RPL26: variants seen among roughly 807,000 people sequenced by gnomAD.
RPL26 encodes ribosomal protein L26, also known as large ribosomal subunit protein uL24.
In RPL26, 1 loss-of-function variant was observed where a neutral mutation model predicts 16.2. That is an observed-to-expected ratio of 0.06 (90% CI 0.02 to 0.29). The LOEUF is 0.29. Among genes scored for constraint, RPL26 ranks in the 10% least tolerant of loss-of-function variants. The probability of loss-of-function intolerance (pLI) is 1.00; values close to 1 mark genes in which losing one functional copy is unlikely to be tolerated. For synonymous variants in RPL26, 55 were observed against 62.4 expected (o/e 0.88, Z 0.56); for missense variants, 102 against 184.3 (o/e 0.55, Z 2.58).
rs1187393979 is a variant in RPL26 at position 8,379,773 on chromosome 17, C to G, written c.309+23G>C. 1.9e-6 allele frequency: 3 copies of G among 1,608,220 alleles called. No homozygotes were observed. In the African/African-American group the frequency reaches 4.0e-5, roughly 22 times the overall value. ...AATAATTGCCATAATTTCCTTCTCT[C>G]AAGCATTCTCAAAAACACCTACCTT... On this transcript the variant is annotated intron_variant, in intron 3 of 3. Transcript: ENST00000648839.
At chr17:8,380,391 C>T (rs575261400) in intron 2 of RPL26, among the ~76,000 whole-genome samples, 46 of 152,288 alleles carry the variant, frequency 3.0e-4, no homozygotes, top group Non-Finnish European at 5.4e-4. Flanking sequence ...CAGGGACCAA[C>T]GGCTGTTCTC....
At chr17:8,380,978 C>A (rs1409744566) in intron 2 of RPL26, 3 of 152,184 alleles carry the variant, frequency 2.0e-5, no homozygotes, top group Non-Finnish European at 2.9e-5. Context: ...CAGCTAGAGG[C>A]TTCCCCAATT....
intron 2 of RPL26, 146 bp downstream of exon 2, chr17:8,381,997 C>T: frequency 1.6e-6 from 1 of 620,382 alleles, no homozygotes; most frequent in South Asian, 1.8e-5. Flanking sequence ...AGCTTACTTA[C>T]TGTTTTTTGG....
chr17:8,382,516 T>C (rs893599680), intron 1 of RPL26: 8 of 533,372 alleles, frequency 1.5e-5, no homozygotes, highest in African/African-American at 7.7e-5. Context: ...TTCGGGTGTT[T>C]TCTGTATATG....
At chr17:8,379,070 G>A (rs752064973) in intron 3 of RPL26, 15 of 152,192 alleles carry the variant, frequency 9.9e-5, no homozygotes, top group Non-Finnish European at 2.1e-4. Flanking sequence ...TTTTGCCTCA[G>A]TAGGCCTGGG....
rs190800743 is a variant in RPL26 at position 8,381,860 on chromosome 17, C to T, written c.168+283G>A. The T allele has an allele frequency of 3.0e-3, 793 of 267,398 alleles. 4 individuals carry two copies. Among genetic ancestry groups the T allele is most frequent in the African/African-American group, 0.014 (591 of 41,272 alleles). The allele number at this position is 267,398 out of a possible 1,614,324, so 16.6% of individuals were successfully genotyped here. On this transcript the variant is annotated intron_variant, in intron 2 of 3. Coordinates refer to ENST00000648839, the MANE Select transcript of RPL26 (RefSeq NM_000987.5). Reference sequence around the variant, plus strand: ...AGGAGAATCGCCTGAACCCGGGAGGCGAAGGTTGCAGTGAGCTGAGATGGC... The same window carrying T: ...AGGAGAATCGCCTGAACCCGGGAGGTGAAGGTTGCAGTGAGCTGAGATGGC...
intron 3 of RPL26, 93 bp from the exon 4 acceptor site, chr17:8,377,785 G>A (rs1414759947): frequency 8.5e-7 from 1 of 1,182,264 alleles, no homozygotes; most frequent in Non-Finnish European, 1.2e-6. Context: ...TCCCAAACCT[G>A]GGGTAGGTGG....
At chr17:8,377,911 T>C (rs554763893) in intron 3 of RPL26, among the ~76,000 whole-genome samples, 1 of 152,374 alleles carries the variant, frequency 6.6e-6, no homozygotes, top group African/African-American at 2.4e-5. Flanking sequence ...CAAGATGGTA[T>C]CAGTAATTCT....
rs1488763889 is a variant in RPL26 at position 8,377,527 on chromosome 17, T to C, written c.*37A>G. The C allele has an allele frequency of 6.5e-7, 1 of 1,534,042 alleles. No homozygotes were observed. Among genetic ancestry groups the C allele is most frequent in the African/African-American group, 1.4e-5 (1 of 72,350 alleles). On this transcript the variant is annotated 3_prime_UTR_variant, in exon 4 of 4. Coordinates refer to ENST00000648839, the MANE Select transcript of RPL26 (RefSeq NM_000987.5). ...CCACACACAAAACACAGGCTCTTTG[T>C]TTCAAGTTTTAATCAAAGCTTGTAT...
chr17:8,381,296 C>T (rs1907398589), intron 2 of RPL26: 1 of 152,174 alleles, frequency 6.6e-6, no homozygotes, highest in Admixed American at 6.5e-5. Flanking sequence ...CTCGTTCTGG[C>T]TCTGCATGAA....
intron 2 of RPL26, chr17:8,380,683 A>T (rs1021142560): frequency 2.6e-5 from 4 of 152,232 alleles, no homozygotes; most frequent in African/African-American, 9.6e-5. Flanking sequence ...TGCCTCTTCA[A>T]TGACCAAACA....
At chr17:8,379,759 T>A in intron 3 of RPL26, 37 bp downstream of exon 3, 1 of 1,592,710 alleles carries the variant, frequency 6.3e-7, no homozygotes, top group Non-Finnish European at 8.6e-7. Flanking sequence ...ATAATTGCCA[T>A]AATTTCCTTC....
chr17:8,382,112 C>G, intron 2 of RPL26, 31 bp downstream of exon 2: 1 of 1,592,122 alleles, frequency 6.3e-7, no homozygotes, highest in South Asian at 1.1e-5. Flanking sequence ...AAATATCCAT[C>G]AAGACAACGA....
chr17:8,379,102 C>A (rs1345892596), intron 3 of RPL26: 2 of 152,032 alleles, frequency 1.3e-5, no homozygotes, highest in Non-Finnish European at 1.5e-5. Flanking sequence ...TATAATTCTA[C>A]CAAGTTGCTA....
At chr17:8,378,201 C>T (rs190303913) in intron 3 of RPL26, among the ~76,000 whole-genome samples, 19 of 152,288 alleles carry the variant, frequency 1.2e-4, no homozygotes, top group Non-Finnish European at 2.6e-4. Context: ...TATGGTGGCA[C>T]ATGCCTGTAA....
intron 3 of RPL26, chr17:8,379,100 TAC>T: frequency 6.6e-6 from 1 of 152,280 alleles, no homozygotes; most frequent in South Asian, 2.1e-4. Context: ...TTTATAATTC[TAC>T]CAAGTTGCTA....
chr17:8,382,467 C>G, intron 1 of RPL26, 152 bp from the exon 2 acceptor site: 2 of 599,306 alleles, frequency 3.3e-6, no homozygotes, highest in South Asian at 4.4e-5. Context: ...TCGGAAGGGC[C>G]TATCAACCGA....
chr17:8,382,892 A>G (rs922421479), intron 1 of RPL26: 3 of 396,508 alleles, frequency 7.6e-6, no homozygotes, highest in Admixed American at 4.4e-5. Context: ...ATTCTCTAGG[A>G]AACGACACTA....
intron 2 of RPL26, chr17:8,381,845 C>T: frequency 3.8e-6 from 1 of 260,356 alleles, no homozygotes; most frequent in Non-Finnish European, 7.4e-6. Context: ...AGGAGAATCG[C>T]CTGAACCCGG....
Sources: allele counts gnomAD v4.1 joint callset (sites outside exome capture counted in the v4.1 genomes callset), GRCh38; gene constraint gnomAD v4.1.1; transcripts MANE v1.5; gene names NCBI Gene and HGNC (gene_info 2026-07-23, HGNC 2026-07-21).